PNPLA6: variants seen among roughly 807,000 people sequenced by gnomAD.
PNPLA6 encodes patatin-like phospholipase domain-containing protein 6.
In PNPLA6, 105 loss-of-function variants were observed where a neutral mutation model predicts 153.7. The observed-to-expected ratio is 0.68, with a 90% CI of 0.58 to 0.80. The LOEUF (loss-of-function observed/expected upper bound fraction) is 0.80, where lower values mean the gene tolerates loss of function less well. Ranked by LOEUF, PNPLA6 falls within the 30% of genes least tolerant of loss-of-function variation. The probability of loss-of-function intolerance (pLI) is 0.00; values close to 1 mark genes in which losing one functional copy is unlikely to be tolerated. For synonymous variants in PNPLA6, 825 were observed against 822.2 expected (o/e 1.00, Z -0.06); for missense variants, 1,423 against 1,919.3 (o/e 0.74, Z 4.83).
chr19:7,540,372 G>T lies in PNPLA6; in HGVS notation c.714+64G>T. On this transcript the variant is annotated intron_variant, in intron 5 of 31. Transcript: ENST00000600737. This position sits in a 1 kb window ranked among gnomAD's most constrained non-coding sequence, Gnocchi z 6.8. ...GTGGTGGGGATGGGCAGCAGGCATT[G>T]GTCTGTAGAGCTGGTGGTCTTTGGA... 6.6e-7 allele frequency: 1 copy of T among 1,523,632 alleles called. No homozygotes were observed. The highest frequency in any genetic ancestry group is 1.2e-5 in the South Asian group (1 of 83,064). 94.4% of individuals were successfully genotyped at this position (1,523,632 alleles called of 1,614,324 possible).
rs772187334 is a variant in PNPLA6, at chr19:7,541,986, G to C, written c.1171G>C (p.Asp391His). 1.7e-5 allele frequency: 28 copies of C among 1,607,900 alleles called. No homozygotes were observed. The highest frequency in any genetic ancestry group is 2.3e-5 in the Non-Finnish European group (27 of 1,179,452). The change falls in exon 10 of 32, where the codon GAC becomes CAC. Residue 391 changes from aspartate (D) to histidine (H), a missense_variant and splice_region_variant. By Grantham distance (81) the Asp-to-His change is moderately conservative. Transcript: ENST00000600737. This position sits in a 1 kb window ranked among gnomAD's most constrained non-coding sequence, Gnocchi z 5.2. The part of the protein sequence containing the change: ...TGAPLPGPTG[D>H]PVKPTSLETP... ...GCCTGAACATGTGTCTCCCCCAGGGGACCCTGTGAAGCCCACATCCCTGGA... is the reference window on the plus strand; with the variant it reads ...GCCTGAACATGTGTCTCCCCCAGGGCACCCTGTGAAGCCCACATCCCTGGA...
chr19:7,540,136 G>T lies in PNPLA6; in HGVS notation c.555-13G>T, dbSNP rs201099946. On this transcript the variant is annotated splice_polypyrimidine_tract_variant and intron_variant, in intron 4 of 31. Coordinates refer to ENST00000600737, the MANE Select transcript of PNPLA6 (RefSeq NM_001166114.2). This position sits in a 1 kb window ranked among gnomAD's most constrained non-coding sequence, Gnocchi z 6.8. Reference sequence around the variant, plus strand: ...TGACCTCCAGCCTCTGTCGCCCACCGCCTGTCCAACAGGGTGCTGGGCCAC... The same window carrying T: ...TGACCTCCAGCCTCTGTCGCCCACCTCCTGTCCAACAGGGTGCTGGGCCAC... 3.0e-5 allele frequency: 49 copies of T among 1,612,770 alleles called. 1 individual carries two copies. In the East Asian group the frequency reaches 1.1e-3, roughly 36 times the overall value.
Position 7,554,601 on chromosome 19 carries a change from G to A in PNPLA6, c.2512G>A (p.Ala838Thr). ...AGGGTGGCTGGCCCAGCAGGAGGAT[G>A]CACACCGTATCGTACTCTACCAGAC... ...LSGWLAQQED[A>T]HRIVLYQTDA... The change falls in exon 21 of 32, where the codon GCA becomes ACA. Residue 838 changes from alanine to threonine, a missense_variant. Ala to Thr is a moderately conservative substitution (Grantham distance 58). This residue lies in a region of PNPLA6 where 643 missense variants were observed against 835.2 expected (regional missense o/e 0.77). Coordinates refer to ENST00000600737, the MANE Select transcript of PNPLA6 (RefSeq NM_001166114.2). The A allele has an allele frequency of 6.2e-7, 1 of 1,614,082 alleles. No individual in the cohort carries two copies.
At position 7,555,032 on chromosome 19, in the gene PNPLA6, G is replaced by A. The variant is rs751002777; in HGVS notation, c.2774G>A (p.Arg925His). Residue 925 changes from arginine (R) to histidine (H), a missense_variant, in exon 22 of 32, where the codon CGC becomes CAC. Arg to His is a conservative substitution (Grantham distance 29). Transcript: ENST00000600737. The surrounding 1 kb of genome is among the most constrained non-coding windows in gnomAD (Gnocchi z 6.3). Reference sequence around the variant, plus strand: ...TGGTGCTCGGGGCACCTGCACCTGCGCTGTCCGCGCCGCCTCTTTTCGCGC... The same window carrying A: ...TGGTGCTCGGGGCACCTGCACCTGCACTGTCCGCGCCGCCTCTTTTCGCGC... ...RSWCSGHLHL[R>H]CPRRLFSRRS... The A allele has an allele frequency of 8.8e-6, 14 of 1,593,216 alleles. No individual in the cohort carries two copies. In the Admixed American group the frequency reaches 2.2e-4, roughly 25 times the overall value.
intron 13 of PNPLA6, among the ~76,000 whole-genome samples, chr19:7,546,475 A>T (rs1206687274): frequency 6.6e-6 from 1 of 152,158 alleles, no homozygotes. Context: ...CAAAAAACAA[A>T]CAAAAAAAAT....
chr19:7,551,330 C>G lies in PNPLA6; in HGVS notation c.2185-32C>G, dbSNP rs201007712. ...GGACCTGGACAGCCGCTTCCCAGGT[C>G]TCACTGAAATGCCGGCCTCCAACGC... On this transcript the variant is annotated intron_variant, in intron 17 of 31. Coordinates refer to ENST00000600737, the MANE Select transcript of PNPLA6 (RefSeq NM_001166114.2). 2.5e-5 allele frequency: 40 copies of G among 1,606,098 alleles called. No homozygotes were observed. The East Asian group carries it at 8.3e-4, about 33-fold the overall frequency.
chr19:7,545,938 G>A (rs2146073662), intron 13 of PNPLA6, among the ~76,000 whole-genome samples: 1 of 149,424 alleles, frequency 6.7e-6, no homozygotes, highest in African/African-American at 2.5e-5. Context: ...AAAGTGGGCA[G>A]GGAAAACCCT....
rs548664 is a variant in PNPLA6 at position 7,558,698 on chromosome 19, T to C, written c.3398-152T>C. 373,385 of 637,876 alleles carry C rather than the reference T, an allele frequency of 0.59. 111,162 individuals carry two copies. Among genetic ancestry groups the C allele is most frequent in the Admixed American group, 0.66 (25,899 of 39,310 alleles). The allele number at this position is 637,876 out of a possible 1,614,324, so 39.5% of individuals were successfully genotyped here. A position where few individuals can be genotyped will look rare whatever the true frequency, so the allele number is the denominator to read the frequency against. ...CAACTTCAGTTGCATCATTTGCACG[T>C]CTGTGCATGACAGCATGGTGTTTGC... On this transcript the variant is annotated intron_variant, in intron 27 of 31. Transcript: ENST00000600737.
rs1446644952 is a variant in PNPLA6, at chr19:7,540,155, G to A, written c.561G>A (p.Leu187=). 3 of 1,611,936 alleles carry A rather than the reference G, an allele frequency of 1.9e-6. No homozygotes were observed. The highest frequency in any genetic ancestry group is 1.1e-5 in the South Asian group (1 of 91,090). ...VLYMLKNVRV[L]GHFEKPLFLE... ...CCCACCGCCTGTCCAACAGGGTGCT[G>A]GGCCACTTCGAGAAGCCACTCTTCC... is the stretch of plus-strand genomic sequence containing the variant. The change falls in exon 5 of 32, where the codon CTG becomes CTA. Residue 187 remains leucine (L), a synonymous_variant. Coordinates refer to ENST00000600737, the MANE Select transcript of PNPLA6 (RefSeq NM_001166114.2). This position sits in a 1 kb window ranked among gnomAD's most constrained non-coding sequence, Gnocchi z 6.8.
chr19:7,560,944 C>T (rs1384929144), intron 29 of PNPLA6, 70 bp from the exon 30 acceptor site: 2 of 948,124 alleles, frequency 2.1e-6, no homozygotes, highest in Non-Finnish European at 3.4e-6. Flanking sequence ...CCCAATGCAC[C>T]ACTGGGCCCC....
At chr19:7,535,168 G>C (rs2022789110), upstream of PNPLA6, 1 of 447,452 alleles carries the variant, frequency 2.2e-6, no homozygotes, top group Non-Finnish European at 4.2e-6. This position sits in a 1 kb window ranked among gnomAD's most constrained non-coding sequence, Gnocchi z 5.0. Context: ...GCAGAGGACC[G>C]TGCCCTGTGG....
At chr19:7,547,468 G>A (rs1034056156) in intron 13 of PNPLA6, among the ~76,000 whole-genome samples, 64 of 152,182 alleles carry the variant, frequency 4.2e-4, no homozygotes, top group African/African-American at 1.5e-3. Flanking sequence ...ATCTTCTTTG[G>A]AGAAGTTTTT....
Position 7,536,357 on chromosome 19 carries a change from G to A in PNPLA6, c.315+84G>A, listed in dbSNP as rs146661810. On this transcript the variant is annotated intron_variant, in intron 2 of 31. Coordinates refer to ENST00000600737, the MANE Select transcript of PNPLA6 (RefSeq NM_001166114.2). ...TTTACACTTCTTAGTGTCCGCCACC[G>A]CTCCTTCCTTGATGGAGACCCCCTG... The A allele has an allele frequency of 0.015, 21,661 of 1,406,458 alleles. 230 individuals are homozygous for A. The highest frequency in any genetic ancestry group is 0.019 in the Non-Finnish European group (18,554 of 991,322). The allele number at this position is 1,406,458 out of a possible 1,614,324, so 87.1% of individuals were successfully genotyped here. A position where few individuals can be genotyped will look rare whatever the true frequency, so the allele number is the denominator to read the frequency against.
chr19:7,557,537 C>T (rs1371997994), intron 27 of PNPLA6: 9 of 524,690 alleles, frequency 1.7e-5, no homozygotes, highest in Non-Finnish European at 2.5e-5. Flanking sequence ...AATCCCAGCA[C>T]TTTGGGAGGC....
intron 13 of PNPLA6, among the ~76,000 whole-genome samples, chr19:7,543,641 A>G (rs949075113): frequency 1.3e-5 from 2 of 152,104 alleles, no homozygotes; most frequent in African/African-American, 4.8e-5. Context: ...GAAAGTCAGG[A>G]AGCCTCAGGG....
chr19:7,560,471 G>A (rs1020070815), intron 28 of PNPLA6, 177 bp from the exon 29 acceptor site: 2 of 673,622 alleles, frequency 3.0e-6, no homozygotes, highest in East Asian at 2.7e-5. Flanking sequence ...TCTGTCAAGG[G>A]CAGGACAGGG....
chr19:7,537,271 T>C (rs116362433), intron 3 of PNPLA6, among the ~76,000 whole-genome samples: 4,014 of 152,274 alleles, frequency 0.026, 172 homozygotes, highest in African/African-American at 0.092. Context: ...AAAGGGGCTA[T>C]CTCCAGCCTC....
At chr19:7,553,227 G>GCTTTT (rs1213824507) in intron 18 of PNPLA6, among the ~76,000 whole-genome samples, 2 of 151,952 alleles carry the variant, frequency 1.3e-5, no homozygotes, top group African/African-American at 4.8e-5. Context: ...GTCAAAAGTA[G>GCTTTT]CTTTTCTTTT....
chr19:7,553,490 G>A (rs763920785), intron 18 of PNPLA6, among the ~76,000 whole-genome samples: 4 of 152,078 alleles, frequency 2.6e-5, no homozygotes, highest in African/African-American at 7.2e-5. Flanking sequence ...TTTCTGCCTC[G>A]TTTTATGTTC....
Sources: gnomAD v4.1 joint callset for allele counts (sites outside exome capture counted in the v4.1 genomes callset) on GRCh38, gnomAD v4.1.1 for gene constraint, gnomAD v4.1.1 regional missense constraint, Gnocchi (gnomAD v3.1) non-coding constraint, MANE v1.5 for transcripts, NCBI Gene and HGNC (gene_info 2026-07-23, HGNC 2026-07-21) for gene names.